Variants in DCLRE1B observed in about 807,000 individuals in gnomAD.
The protein encoded by DCLRE1B is 5' exonuclease Apollo.
A neutral mutation model predicts 19.8 loss-of-function variants in DCLRE1B; 6 were observed. The observed-to-expected ratio is 0.30, with a 90% CI of 0.17 to 0.60. The LOEUF is 0.60. DCLRE1B is among the 20% of genes least tolerant of loss of function. The pLI is 0.87. For missense variants in DCLRE1B, 622 were observed against 654.2 expected (o/e 0.95, Z 0.54); for synonymous variants, 258 against 255.7 (o/e 1.01, Z -0.09).
rs2101078568 is a variant in DCLRE1B at position 113,913,915 on chromosome 1, T to C, written c.*1724T>C. The stretch of plus-strand genomic sequence containing the variant: ...TAGAATTTTATAGCCTACATTTTAA[T>C]TTCTTGATATCTTAAGCATTTCACT... On this transcript the variant is annotated 3_prime_UTR_variant, in exon 4 of 4. Coordinates refer to ENST00000650450, the MANE Select transcript of DCLRE1B (RefSeq NM_022836.4). 6.6e-6 allele frequency: 1 copy of C among 152,360 alleles called. No individual in the cohort carries two copies. Among genetic ancestry groups the C allele is most frequent in the South Asian group, 2.1e-4 (1 of 4,832 alleles). 9.4% of individuals were successfully genotyped at this position (152,360 alleles called of 1,614,324 possible).
rs1216262296 is a variant in DCLRE1B at position 113,911,491 on chromosome 1, G to A, written c.899G>A (p.Arg300Gln). The change falls in exon 4 of 4, where the codon CGG becomes CAG. Residue 300 changes from arginine (R) to glutamine (Q), a missense_variant. Around this residue, in one of 3 missense-constraint regions of DCLRE1B, gnomAD observed 382 missense variants for 412.5 expected, o/e 0.93. Coordinates refer to ENST00000650450, the MANE Select transcript of DCLRE1B (RefSeq NM_022836.4). The part of the protein sequence containing the change: ...KPCQVVPIVS[R>Q]RPCGGFQDSL... ...TGCCAGGTGGTGCCCATTGTAAGTCGGCGGCCCTGTGGAGGCTTTCAGGAC... is the reference window on the plus strand; with the variant it reads ...TGCCAGGTGGTGCCCATTGTAAGTCAGCGGCCCTGTGGAGGCTTTCAGGAC... 11 of 1,613,960 alleles carry A rather than the reference G, an allele frequency of 6.8e-6. No homozygotes were observed. The highest frequency in any genetic ancestry group is 5.0e-5 in the Admixed American group (3 of 59,984).
chr1:113,908,077 T>G lies in DCLRE1B; in HGVS notation c.424T>G (p.Leu142Val), dbSNP rs775870559. The change falls in exon 3 of 4, where the codon TTA becomes GTA. Residue 142 changes from leucine (L) to valine (V), a missense_variant. Coordinates refer to ENST00000650450, the MANE Select transcript of DCLRE1B (RefSeq NM_022836.4). ...GACACTGGGGAAACAGATCCATACT[T>G]TATACCTAGACAACACCAATTGCAA... ...ALTLGKQIHT[L>V]YLDNTNCNPA... is the part of the protein sequence containing the mutation. The G allele has an allele frequency of 1.9e-6, 3 of 1,614,172 alleles. No individual in the cohort carries two copies. The Admixed American group carries it at 5.0e-5, about 27-fold the overall frequency.
In DCLRE1B at chr1:113,911,770, C is replaced by A. The variant is rs1199333902; in HGVS notation, c.1178C>A (p.Pro393His). Residue 393 changes from proline to histidine, a missense_variant, in exon 4 of 4, where the codon CCT (proline) becomes CAT (histidine). Transcript: ENST00000650450. The part of the protein sequence containing the change: ...ADLEKQPSHH[P>H]LRIKKQLFPD... ...CTTGAAAAGCAGCCTTCCCACCATC[C>A]TTTGCGGATCAAGAAGCAGTTGTTC... 6.2e-7 allele frequency: 1 copy of A among 1,614,190 alleles called. No individual in the cohort carries two copies. The highest frequency in any genetic ancestry group is 2.2e-5 in the East Asian group (1 of 44,886).
rs1203745071 is a variant in DCLRE1B, at chr1:113,911,671, G to T, written c.1079G>T (p.Ser360Ile). Residue 360 changes from serine to isoleucine, a missense_variant, in exon 4 of 4, where the codon AGT becomes ATT. Transcript: ENST00000650450. ...GTTGTGTTTGAATCCCCTGAGGAAA[G>T]TGCTGATCAATCTCAAGCTGACAGA... ...QGVVFESPEE[S>I]ADQSQADRDS... The T allele has an allele frequency of 1.9e-6, 3 of 1,612,526 alleles. No individual in the cohort carries two copies. The highest frequency in any genetic ancestry group is 2.5e-6 in the Non-Finnish European group (3 of 1,179,084).
In DCLRE1B at chr1:113,911,434, A is replaced by G. The variant is rs1669250327; in HGVS notation, c.842A>G (p.Glu281Gly). ...IPYSDHSSYS[E>G]LRAFVAALKP... Reference sequence around the variant, plus strand: ...TACTCTGACCATTCCTCTTACTCCGAGCTTCGTGCCTTTGTCGCAGCACTG... The same window carrying G: ...TACTCTGACCATTCCTCTTACTCCGGGCTTCGTGCCTTTGTCGCAGCACTG... The change falls in exon 4 of 4, where the codon GAG becomes GGG. Residue 281 changes from glutamate to glycine, a missense_variant. This residue lies in a region of DCLRE1B where 382 missense variants were observed against 412.5 expected (regional missense o/e 0.93). Transcript: ENST00000650450. The G allele has an allele frequency of 6.2e-7, 1 of 1,613,960 alleles. No homozygotes were observed. The highest frequency in any genetic ancestry group is 8.5e-7 in the Non-Finnish European group (1 of 1,180,022).
chr1:113,907,479 T>C (rs1166179846), intron 2 of DCLRE1B, among the ~76,000 whole-genome samples: 4 of 151,950 alleles, frequency 2.6e-5, no homozygotes, highest in Non-Finnish European at 4.4e-5. Context: ...TTTTTCCTTC[T>C]TCTTTTTGAG....
intron 2 of DCLRE1B, 82 bp from the exon 3 acceptor site, chr1:113,907,927 C>T: frequency 6.8e-7 from 1 of 1,472,278 alleles, no homozygotes; most frequent in Non-Finnish European, 9.2e-7. Context: ...AAGCAAACGC[C>T]TGTCTATTGT....
In DCLRE1B at chr1:113,912,222, G is replaced by A. The variant is rs1271328736; in HGVS notation, c.*31G>A. ...GGAGAGTACAGAATGACAACATTGAGCCCACACTGCAGTTTTGAAGATAGT... is the reference window on the plus strand; with the variant it reads ...GGAGAGTACAGAATGACAACATTGAACCCACACTGCAGTTTTGAAGATAGT... On this transcript the variant is annotated 3_prime_UTR_variant, in exon 4 of 4. Transcript: ENST00000650450. 2.6e-6 allele frequency: 4 copies of A among 1,557,284 alleles called. No homozygotes were observed. The highest frequency in any genetic ancestry group is 1.9e-5 in the Admixed American group (1 of 53,874).
In DCLRE1B at chr1:113,913,611, A is replaced by G. The variant is rs1225486932; in HGVS notation, c.*1420A>G. ...TCCTCATCTGTAAGATGGACTTGAG[A>G]TTCCTACCTCTCATGATTACTATGG... On this transcript the variant is annotated 3_prime_UTR_variant, in exon 4 of 4. Coordinates refer to ENST00000650450, the MANE Select transcript of DCLRE1B (RefSeq NM_022836.4). 1 of 152,650 alleles carries G rather than the reference A, an allele frequency of 6.6e-6. No individual in the cohort carries two copies. Among genetic ancestry groups the G allele is most frequent in the East Asian group, 1.9e-4 (1 of 5,242 alleles). The allele number at this position is 152,650 out of a possible 1,614,324, so 9.5% of individuals were successfully genotyped here.
chr1:113,911,106 C>T, intron 3 of DCLRE1B, 25 bp from the exon 4 acceptor site: 4 of 1,572,838 alleles, frequency 2.5e-6, no homozygotes, highest in Non-Finnish European at 3.5e-6. Flanking sequence ...CTCTTACTTT[C>T]CCCAATACAT....
At position 113,911,561 on chromosome 1, in the gene DCLRE1B, A is replaced by G. The variant is rs1222218926; in HGVS notation, c.969A>G (p.Val323=). ...RISVPLIPDS[V]QQYMSSSSRK... is the part of the protein sequence containing the mutation. ...CCGTGCCCCTGATTCCGGACTCTGT[A>G]CAGCAATACATGAGTTCTTCCTCTA... Residue 323 remains valine (V), a synonymous_variant, in exon 4 of 4, where the codon GTA becomes GTG. Transcript: ENST00000650450. 2 of 1,608,592 alleles carry G rather than the reference A, an allele frequency of 1.2e-6. No homozygotes were observed. Among genetic ancestry groups the G allele is most frequent in the Admixed American group, 1.7e-5 (1 of 59,408 alleles).
rs757797519 is a variant in DCLRE1B at position 113,912,111 on chromosome 1, A to T, written c.1519A>T (p.Thr507Ser). 7.4e-6 allele frequency: 12 copies of T among 1,614,048 alleles called. No individual in the cohort carries two copies. In the Middle Eastern group the frequency reaches 1.3e-3, roughly 178 times the overall value. Residue 507 changes from threonine to serine, a missense_variant, in exon 4 of 4, where the codon ACT (threonine) becomes TCT (serine). By Grantham distance (58) the Thr-to-Ser change is moderately conservative. Coordinates refer to ENST00000650450, the MANE Select transcript of DCLRE1B (RefSeq NM_022836.4). ...FRGLALKYLLTPVNFFQAGYS... is the reference protein window; with the variant it reads ...FRGLALKYLLSPVNFFQAGYS... Reference sequence around the variant, plus strand: ...GGGTCTAGCACTCAAATATCTTCTGACTCCAGTGAACTTTTTCCAGGCAGG... The same window carrying T: ...GGGTCTAGCACTCAAATATCTTCTGTCTCCAGTGAACTTTTTCCAGGCAGG...
At chr1:113,907,220 T>G (rs1172700811) in intron 2 of DCLRE1B, 59 bp downstream of exon 2, 16 of 1,304,768 alleles carry the variant, frequency 1.2e-5, no homozygotes, top group South Asian at 6.2e-5. Flanking sequence ...TTTTTTTTTT[T>G]TTTTTTTTTT....
chr1:113,905,811 A>G, intron 1 of DCLRE1B, 36 bp downstream of exon 1: 2 of 1,584,862 alleles, frequency 1.3e-6, no homozygotes, highest in South Asian at 1.1e-5. Flanking sequence ...GAGCTGGTCC[A>G]GGCATCTGGG....
At chr1:113,904,664 G>C, upstream of DCLRE1B, 1 of 1,613,288 alleles carries the variant, frequency 6.2e-7, no homozygotes, top group Non-Finnish European at 8.5e-7. Context: ...TGTGAGGATT[G>C]CACAGAGCCT....
chr1:113,907,256 C>A, intron 2 of DCLRE1B, 95 bp downstream of exon 2: 1 of 1,114,572 alleles, frequency 9.0e-7, no homozygotes, highest in Non-Finnish European at 1.2e-6. Context: ...TGGGGCCTCG[C>A]AGTGTTGCCG....
Position 113,911,346 on chromosome 1 carries a change from A to G in DCLRE1B, c.754A>G (p.Ile252Val), listed in dbSNP as rs1669245735. The change falls in exon 4 of 4, where the codon ATT (isoleucine) becomes GTT (valine). Residue 252 changes from isoleucine to valine, a missense_variant. Transcript: ENST00000650450. ...MLRWNQTHPT[I>V]AILPTSRKIH... ...GCGTTGGAACCAGACCCACCCTACG[A>G]TTGCTATCCTTCCCACAAGCCGAAA... 15 of 1,614,094 alleles carry G rather than the reference A, an allele frequency of 9.3e-6. No individual in the cohort carries two copies. Among genetic ancestry groups the G allele is most frequent in the Non-Finnish European group, 1.3e-5 (15 of 1,180,024 alleles).
rs564325809 is a variant in DCLRE1B at position 113,907,491 on chromosome 1, C to T, written c.355+330C>T. Among the ~76,000 whole-genome samples, 10 of 151,860 alleles carry T rather than the reference C, an allele frequency of 6.6e-5. No homozygotes were observed. In the South Asian group the frequency reaches 1.0e-3, roughly 16 times the overall value. ...TTTTTTTTCCTTCTTCTTTTTGAGACGGAGTTTCACTCTTGTCACCCAGGC... is the reference window on the plus strand; with the variant it reads ...TTTTTTTTCCTTCTTCTTTTTGAGATGGAGTTTCACTCTTGTCACCCAGGC... On this transcript the variant is annotated intron_variant, in intron 2 of 3. Transcript: ENST00000650450.
At position 113,911,689 on chromosome 1, in the gene DCLRE1B, C is replaced by T. The variant is rs1188523827; in HGVS notation, c.1097C>T (p.Ala366Val). ...SPEESADQSQ[A>V]DRDSKKAKKE... ...GAGGAAAGTGCTGATCAATCTCAAG[C>T]TGACAGAGACTCAAAGAAGGCCAAG... The change falls in exon 4 of 4, where the codon GCT (alanine) becomes GTT (valine). Residue 366 changes from alanine (A) to valine (V), a missense_variant. Around this residue, in one of 3 missense-constraint regions of DCLRE1B, gnomAD observed 382 missense variants for 412.5 expected, o/e 0.93. Transcript: ENST00000650450. 1.9e-6 allele frequency: 3 copies of T among 1,613,682 alleles called. No individual in the cohort carries two copies. The highest frequency in any genetic ancestry group is 2.5e-6 in the Non-Finnish European group (3 of 1,179,764).
Sources: allele counts gnomAD v4.1 joint callset (sites outside exome capture counted in the v4.1 genomes callset), GRCh38; gene constraint gnomAD v4.1.1; regional missense constraint gnomAD v4.1.1; transcripts MANE v1.5; gene names NCBI Gene and HGNC (gene_info 2026-07-23, HGNC 2026-07-21).